Variants in DNAH2 observed in about 807,000 individuals in gnomAD.
DNAH2 encodes axonemal beta dynein heavy chain 2.
DNAH2 carries 323 observed loss-of-function variants against 523.5 expected under a neutral mutation model. That is an observed-to-expected ratio of 0.62 (90% CI 0.56 to 0.68). The LOEUF is 0.68. DNAH2 is among the 30% of genes least tolerant of loss of function. The probability of loss-of-function intolerance (pLI) is 0.00; values close to 1 mark genes in which losing one functional copy is unlikely to be tolerated. For synonymous variants in DNAH2, 2,093 were observed against 2,177.4 expected (o/e 0.96, Z 1.08); for missense variants, 4,907 against 5,701.5 (o/e 0.86, Z 4.49).
chr17:7,720,592 C>T (rs2074572361), intron 2 of DNAH2, among the ~76,000 whole-genome samples: 1 of 152,166 alleles, frequency 6.6e-6, no homozygotes, highest in Non-Finnish European at 1.5e-5. Flanking sequence ...CCTGAGAGCA[C>T]TGGTCAGTGT....
intron 63 of DNAH2, among the ~76,000 whole-genome samples, chr17:7,813,399 G>A (rs1374970382): frequency 6.6e-6 from 1 of 151,804 alleles, no homozygotes; most frequent in Non-Finnish European, 1.5e-5. Context: ...CCTTGTACAA[G>A]GATATTTATT....
intron 35 of DNAH2, 48 bp downstream of exon 35, chr17:7,778,517 G>A (rs954694206): frequency 2.0e-5 from 31 of 1,525,542 alleles, no homozygotes; most frequent in Admixed American, 6.6e-5. Flanking sequence ...ATACCTTTTC[G>A]TCCCAGAAAA....
intron 12 of DNAH2, among the ~76,000 whole-genome samples, chr17:7,745,327 A>G (rs1597510400): frequency 6.6e-6 from 1 of 152,258 alleles, no homozygotes; most frequent in East Asian, 1.9e-4. Context: ...AGAGAAAACA[A>G]AAGTTGAGAC....
chr17:7,802,523 A>G (rs2077250783), intron 58 of DNAH2, among the ~76,000 whole-genome samples: 1 of 152,210 alleles, frequency 6.6e-6, no homozygotes, highest in African/African-American at 2.4e-5. Context: ...CGTTCCTCCC[A>G]TATACTTTGA....
chr17:7,737,215 C>T lies in DNAH2; in HGVS notation c.1127C>T (p.Pro376Leu), dbSNP rs1467141107. Residue 376 changes from proline (P) to leucine (L), a missense_variant, in exon 8 of 86, where the codon CCC becomes CTC. Pro to Leu is a moderately conservative substitution (Grantham distance 98, BLOSUM62 -3). Coordinates refer to ENST00000572933, the MANE Select transcript of DNAH2 (RefSeq NM_020877.5). The part of the protein sequence containing the change: ...SLIRIIWVNS[P>L]HYNTRERLTS... ...ATCCGCATCATCTGGGTCAACTCTCCCCACTACAACACTCGGGAGAGACTG... is the reference window on the plus strand; with the variant it reads ...ATCCGCATCATCTGGGTCAACTCTCTCCACTACAACACTCGGGAGAGACTG... 6.2e-7 allele frequency: 1 copy of T among 1,614,132 alleles called. No homozygotes were observed. Among genetic ancestry groups the T allele is most frequent in the Non-Finnish European group, 8.5e-7 (1 of 1,180,014 alleles).
chr17:7,758,489 G>A lies in DNAH2; in HGVS notation c.2052-6G>A. On this transcript the variant is annotated splice_polypyrimidine_tract_variant and splice_region_variant and intron_variant, in intron 13 of 85. Transcript: ENST00000572933. ...CCTCTGGATACCAGGCCTCTCTTAT[G>A]CACAGGATTATTGCCATGCTGTCCC... 3 of 1,613,096 alleles carry A rather than the reference G, an allele frequency of 1.9e-6. No homozygotes were observed. The highest frequency in any genetic ancestry group is 1.3e-5 in the African/African-American group (1 of 75,010).
chr17:7,719,686 C>A (rs1204393020), intron 1 of DNAH2, 35 bp from the exon 2 acceptor site: 1 of 1,613,182 alleles, frequency 6.2e-7, no homozygotes, highest in Non-Finnish European at 8.5e-7. Context: ...GGGGTGGTAT[C>A]TGCTTGTAGA....
At chr17:7,809,554 A>T (rs1237968341) in intron 63 of DNAH2, among the ~76,000 whole-genome samples, 1 of 152,152 alleles carries the variant, frequency 6.6e-6, no homozygotes, top group Non-Finnish European at 1.5e-5. Context: ...GAAGAATCAC[A>T]GGTGTGGCAA....
chr17:7,819,535 C>A, intron 72 of DNAH2, 127 bp downstream of exon 72: 1 of 903,718 alleles, frequency 1.1e-6, no homozygotes, highest in Non-Finnish European at 1.7e-6. Flanking sequence ...ATATGTCCTC[C>A]TGGTAGCTCC....
Position 7,786,856 on chromosome 17 carries a change from G to A in DNAH2, c.6467-41G>A, listed in dbSNP as rs2076750999. On this transcript the variant is annotated intron_variant, in intron 41 of 85. Transcript: ENST00000572933. The surrounding 1 kb of genome is among the most constrained non-coding windows in gnomAD (Gnocchi z 7.5). ...GGAGCGTGAGCGGAGGGTGCAAGGT[G>A]AGCGGCTCCCCGGTTTCCTCATCAC... 8 of 1,613,756 alleles carry A rather than the reference G, an allele frequency of 5.0e-6. No individual in the cohort carries two copies. In the East Asian group the frequency reaches 1.8e-4, roughly 36 times the overall value.
chr17:7,810,622 C>A (rs1384030327), intron 63 of DNAH2, among the ~76,000 whole-genome samples: 2 of 152,102 alleles, frequency 1.3e-5, no homozygotes, highest in African/African-American at 2.4e-5. Flanking sequence ...CTTCTTACCT[C>A]AAGTGATCTG....
At chr17:7,766,237 G>T in intron 21 of DNAH2, 81 bp from the exon 22 acceptor site, 1 of 1,476,348 alleles carries the variant, frequency 6.8e-7, no homozygotes, top group Non-Finnish European at 9.3e-7. Flanking sequence ...GGTGAGATTT[G>T]CCCACAAAGA....
intron 2 of DNAH2, among the ~76,000 whole-genome samples, chr17:7,722,155 T>C (rs904694985): frequency 5.6e-5 from 8 of 141,840 alleles, no homozygotes; most frequent in African/African-American, 2.1e-4. Flanking sequence ...CCCGCCACCA[T>C]GCCTGGCTAA....
Position 7,776,016 on chromosome 17 carries a change from C to A in DNAH2, c.4822-8C>A, listed in dbSNP as rs370379054. The A allele has an allele frequency of 6.2e-7, 1 of 1,612,498 alleles. No individual in the cohort carries two copies. Among genetic ancestry groups the A allele is most frequent in the Non-Finnish European group, 8.5e-7 (1 of 1,178,954 alleles). ...GCTGAGCTGCCCTATTCTCCCACCTCCCCCCAGTCCTGGCTTGGCGATGTG... is the reference window on the plus strand; with the variant it reads ...GCTGAGCTGCCCTATTCTCCCACCTACCCCCAGTCCTGGCTTGGCGATGTG... On this transcript the variant is annotated splice_polypyrimidine_tract_variant and splice_region_variant and intron_variant, in intron 30 of 85. Transcript: ENST00000572933.
chr17:7,754,226 TA>T lies in DNAH2; in HGVS notation c.1905-2863del. The T allele has an allele frequency of 4.7e-6, 1 of 210,882 alleles. No individual in the cohort carries two copies. The highest frequency in any genetic ancestry group is 9.3e-6 in the Non-Finnish European group (1 of 107,452). 13.1% of individuals were successfully genotyped at this position (210,882 alleles called of 1,614,324 possible). Reference sequence around the variant, plus strand: ...GAAGGGGCGCTGTTTTTTATCCTTTTAATATTGTAGAAACTTGGCCAAACTT... The same window carrying T: ...GAAGGGGCGCTGTTTTTTATCCTTTTATATTGTAGAAACTTGGCCAAACTT... On this transcript the variant is annotated intron_variant, in intron 12 of 85. Transcript: ENST00000572933. The surrounding 1 kb of genome is among the most constrained non-coding windows in gnomAD (Gnocchi z 4.6).
chr17:7,820,795 T>G (rs2151330204), intron 72 of DNAH2, among the ~76,000 whole-genome samples: 1 of 152,236 alleles, frequency 6.6e-6, no homozygotes, highest in Admixed American at 6.5e-5. Flanking sequence ...ATCCCAGCAC[T>G]TTGGAAAGCT....
intron 39 of DNAH2, among the ~76,000 whole-genome samples, chr17:7,784,280 T>C (rs556422608): frequency 1.3e-5 from 2 of 152,314 alleles, no homozygotes; most frequent in Admixed American, 6.5e-5. Context: ...GCTTAATATT[T>C]CTTAATTGAT....
rs771840109 is a variant in DNAH2 at position 7,824,680 on chromosome 17, A to T, written c.11806A>T (p.Ile3936Phe). Residue 3936 changes from isoleucine to phenylalanine, a missense_variant, in exon 77 of 86, where the codon ATC (isoleucine) becomes TTC (phenylalanine). Ile to Phe is a conservative substitution (Grantham distance 21). This residue lies in a region of DNAH2 where 1,851 missense variants were observed against 2,139.4 expected (regional missense o/e 0.87). Transcript: ENST00000572933. ...CTCCATCCCCCACCCAGACTTCCCT[A>T]TCTCAATCTTGCAGGTCAGCATCAA... ...LSSIPHPDFP[I>F]SILQVSIKMT... The T allele has an allele frequency of 6.9e-6, 11 of 1,600,888 alleles. No individual in the cohort carries two copies. The East Asian group carries it at 2.5e-4, about 36-fold the overall frequency.
At chr17:7,739,187 C>T (rs2075231317) in intron 8 of DNAH2, among the ~76,000 whole-genome samples, 1 of 152,180 alleles carries the variant, frequency 6.6e-6, no homozygotes, top group Admixed American at 6.5e-5. Flanking sequence ...GGGCAGATCA[C>T]CTGCGATCAG....
Sources: allele counts gnomAD v4.1 joint callset (sites outside exome capture counted in the v4.1 genomes callset), GRCh38; gene constraint gnomAD v4.1.1; regional missense constraint gnomAD v4.1.1; non-coding constraint Gnocchi (gnomAD v3.1); transcripts MANE v1.5; gene names NCBI Gene and HGNC (gene_info 2026-07-23, HGNC 2026-07-21).